ZNF765: variants seen among roughly 807,000 people sequenced by gnomAD.
ZNF765 encodes the protein zinc finger protein 765.
A neutral mutation model predicts 44.7 loss-of-function variants in ZNF765; 37 were observed. The observed-to-expected ratio is 0.83, with a 90% confidence interval of 0.64 to 1.09. The LOEUF is 1.09. ZNF765 is among the 50% of genes least tolerant of loss of function. The pLI, the probability that ZNF765 is intolerant of heterozygous loss-of-function variation, is 0.00. For synonymous variants in ZNF765, 201 were observed against 213.7 expected (o/e 0.94, Z 0.52); for missense variants, 594 against 626.1 (o/e 0.95, Z 0.55).
intron 3 of ZNF765, among the ~76,000 whole-genome samples, chr19:53,405,605 G>A (rs1443264850): frequency 4.7e-5 from 7 of 150,400 alleles, no homozygotes; most frequent in African/African-American, 1.2e-4. Flanking sequence ...AACAGGCAAC[G>A]AGCTCTTTAA....
chr19:53,402,030 C>G (rs1425039088), intron 2 of ZNF765, 35 bp from the exon 3 acceptor site: 1 of 1,613,948 alleles, frequency 6.2e-7, no homozygotes, highest in Non-Finnish European at 8.5e-7. Flanking sequence ...GAACTCCTCC[C>G]ATAACCATTT....
At chr19:53,412,129 C>T (rs2085839101), downstream of ZNF765, 1 of 299,138 alleles carries the variant, frequency 3.3e-6, no homozygotes, top group Non-Finnish European at 6.5e-6. Flanking sequence ...AAAGGCATTC[C>T]ATTTTCCCTA....
downstream of ZNF765, among the ~76,000 whole-genome samples, chr19:53,414,102 A>T (rs541628703): frequency 1.3e-5 from 2 of 151,612 alleles, no homozygotes; most frequent in Non-Finnish European, 2.9e-5. Flanking sequence ...TTGGCAAGGC[A>T]TGGTGGCACA....
At chr19:53,406,124 G>A (rs369001556) in intron 3 of ZNF765, among the ~76,000 whole-genome samples, 1 of 149,594 alleles carries the variant, frequency 6.7e-6, no homozygotes, top group African/African-American at 2.5e-5. Context: ...CACCTCCTGG[G>A]TTCAAATGAT....
chr19:53,423,878 C>T, exon 4 of ZNF765: 1 of 149,098 alleles, frequency 6.7e-6, no homozygotes, highest in Non-Finnish European at 1.5e-5. Flanking sequence ...ACCACACCGC[C>T]CTGGAGCAGC....
rs1397606950 is a variant in ZNF765 at position 53,410,708 on chromosome 19, G to T, written c.*1581G>T. On this transcript the variant is annotated 3_prime_UTR_variant, in exon 4 of 4. Coordinates refer to ENST00000396408, the MANE Select transcript of ZNF765 (RefSeq NM_001040185.3). ...AAATTTGGCAAATTTTTCAGACATTGTTCATAACTTGCAGTTCATCGGCGA... is the reference window on the plus strand; with the variant it reads ...AAATTTGGCAAATTTTTCAGACATTTTTCATAACTTGCAGTTCATCGGCGA... 4.5e-6 allele frequency: 2 copies of T among 440,172 alleles called. No individual in the cohort carries two copies. The highest frequency in any genetic ancestry group is 2.6e-5 in the Admixed American group (1 of 38,230). 27.3% of individuals were successfully genotyped at this position (440,172 alleles called of 1,614,324 possible).
rs1472598322 is a variant in ZNF765, at chr19:53,420,183, T to A, written c.143-2879T>A. Among the ~76,000 whole-genome samples, 5 of 151,838 alleles carry A rather than the reference T, an allele frequency of 3.3e-5. No individual in the cohort carries two copies. The South Asian group carries it at 1.0e-3, about 32-fold the overall frequency. ...CCCATCTCTACTAAAAATACAAAAA[T>A]TAGCTTGGCGTGGTGGCGCATGCCT... On this transcript the variant is annotated intron_variant, in intron 3 of 3. Coordinates refer to the ZNF765 transcript ENST00000594030.
At position 53,397,843 on chromosome 19, in the gene ZNF765, C is replaced by G. The variant is rs935357714; in HGVS notation, c.-73-100C>G. On this transcript the variant is annotated intron_variant, in intron 1 of 3. Coordinates refer to ENST00000396408, the MANE Select transcript of ZNF765 (RefSeq NM_001040185.3). Reference sequence around the variant, plus strand: ...TGGTGTGGTCGGCAGCATAGGGGACCGTATGTCCTCAGGATGAGGTCTCCT... The same window carrying G: ...TGGTGTGGTCGGCAGCATAGGGGACGGTATGTCCTCAGGATGAGGTCTCCT... The G allele has an allele frequency of 7.9e-5, 95 of 1,207,262 alleles. No homozygotes were observed. In the African/African-American group the frequency reaches 1.4e-3, roughly 17 times the overall value. 74.8% of individuals were successfully genotyped at this position (1,207,262 alleles called of 1,614,324 possible).
At chr19:53,400,161 C>G (rs2085709210) in intron 2 of ZNF765, among the ~76,000 whole-genome samples, 1 of 152,156 alleles carries the variant, frequency 6.6e-6, no homozygotes, top group Non-Finnish European at 1.5e-5. Flanking sequence ...CCTCCACCCT[C>G]AAGTAGACGC....
At chr19:53,401,486 C>T (rs968859912) in intron 2 of ZNF765, among the ~76,000 whole-genome samples, 2 of 149,322 alleles carry the variant, frequency 1.3e-5, no homozygotes, top group African/African-American at 2.5e-5. Context: ...TGGCGTGAAC[C>T]GGGGAGGCGG....
At chr19:53,422,579 CTTAT>C (rs902728078) in intron 3 of ZNF765, among the ~76,000 whole-genome samples, 14 of 151,332 alleles carry the variant, frequency 9.3e-5, no homozygotes, top group Admixed American at 2.0e-4. Context: ...TATATATTTA[CTTAT>C]TTATTTATTT....
downstream of ZNF765, among the ~76,000 whole-genome samples, chr19:53,414,079 A>G (rs1281776129): frequency 6.6e-6 from 1 of 151,666 alleles, no homozygotes; most frequent in Non-Finnish European, 1.5e-5. Context: ...CGTCTCTACT[A>G]AAAACACAAA....
chr19:53,409,258 C>A lies in ZNF765; in HGVS notation c.*131C>A. 9.2e-7 allele frequency: 1 copy of A among 1,085,938 alleles called. No homozygotes were observed. The highest frequency in any genetic ancestry group is 1.3e-5 in the South Asian group (1 of 79,210). 67.3% of individuals were successfully genotyped at this position (1,085,938 alleles called of 1,614,324 possible). On this transcript the variant is annotated 3_prime_UTR_variant, in exon 4 of 4. Coordinates refer to ENST00000396408, the MANE Select transcript of ZNF765 (RefSeq NM_001040185.3). ...TTTCAAATCAAACCTTGAAATACATCAGAAAATTCGTACTGAAGAGAATCT... is the reference window on the plus strand; with the variant it reads ...TTTCAAATCAAACCTTGAAATACATAAGAAAATTCGTACTGAAGAGAATCT...
chr19:53,417,334 G>C (rs946760714), intron 3 of ZNF765, among the ~76,000 whole-genome samples: 4 of 152,060 alleles, frequency 2.6e-5, no homozygotes, highest in African/African-American at 9.7e-5. Flanking sequence ...CTATGTATCT[G>C]TCTTCTCATC....
At chr19:53,421,185 C>A (rs546952896) in intron 3 of ZNF765, among the ~76,000 whole-genome samples, 2 of 152,320 alleles carry the variant, frequency 1.3e-5, no homozygotes, top group East Asian at 1.9e-4. Flanking sequence ...AGCACAGCAC[C>A]TTTCCTTAAA....
chr19:53,414,468 CACACACACACACACACACACA>C (rs1568785969), downstream of ZNF765, among the ~76,000 whole-genome samples: 21 of 11,580 alleles, frequency 1.8e-3, no homozygotes, highest in Non-Finnish European at 3.1e-3. Context: ...CACACACACA[CACACACACACACACACACACA>C]CCCCCCCCCC....
In ZNF765 at chr19:53,408,097, C is replaced by A; in HGVS notation, c.542C>A (p.Ser181Tyr). 6.2e-7 allele frequency: 1 copy of A among 1,614,148 alleles called. No homozygotes were observed. The highest frequency in any genetic ancestry group is 8.5e-7 in the Non-Finnish European group (1 of 1,180,008). Reference sequence around the variant, plus strand: ...TTGGTTTCAACAGCCCAAAGAATTTCTTGTAGGCCTGAAACCCATATTTCT... The same window carrying A: ...TTGGTTTCAACAGCCCAAAGAATTTATTGTAGGCCTGAAACCCATATTTCT... ...ASLVSTAQRISCRPETHISND... is the reference protein window; with the variant it reads ...ASLVSTAQRIYCRPETHISND... The change falls in exon 4 of 4, where the codon TCT becomes TAT. Residue 181 changes from serine to tyrosine, a missense_variant. By Grantham distance (144) the Ser-to-Tyr change is moderately radical. This residue lies in a region of ZNF765 where 567 missense variants were observed against 572.6 expected (regional missense o/e 0.99). Coordinates refer to ENST00000396408, the MANE Select transcript of ZNF765 (RefSeq NM_001040185.3).
intron 3 of ZNF765, among the ~76,000 whole-genome samples, chr19:53,420,850 A>G (rs1020121820): frequency 6.6e-6 from 1 of 152,134 alleles, no homozygotes; most frequent in African/African-American, 2.4e-5. Flanking sequence ...ACCTCTGCCT[A>G]GGAAAGCCAG....
Position 53,410,580 on chromosome 19 carries a change from G to T in ZNF765, c.*1453G>T, listed in dbSNP as rs548910625. 8.0e-4 allele frequency: 354 copies of T among 444,436 alleles called. 4 individuals are homozygous for T. Among genetic ancestry groups the T allele is most frequent in the South Asian group, 6.4e-3 (345 of 53,512 alleles). The allele number at this position is 444,436 out of a possible 1,614,324, so 27.5% of individuals were successfully genotyped here. A position where few individuals can be genotyped will look rare whatever the true frequency, so the allele number is the denominator to read the frequency against. On this transcript the variant is annotated 3_prime_UTR_variant, in exon 4 of 4. Coordinates refer to ENST00000396408, the MANE Select transcript of ZNF765 (RefSeq NM_001040185.3). The stretch of plus-strand genomic sequence containing the variant: ...ACCATCAGGCAATCCATGGTGTAGG[G>T]AAACTTTACTTATGTAATGATTGTC...
Sources: gnomAD v4.1 joint callset for allele counts (sites outside exome capture counted in the v4.1 genomes callset) on GRCh38, gnomAD v4.1.1 for gene constraint, gnomAD v4.1.1 regional missense constraint, MANE v1.5 for transcripts, NCBI Gene and HGNC (gene_info 2026-07-23, HGNC 2026-07-21) for gene names.